FGGY: variants seen among roughly 807,000 people sequenced by gnomAD.
FGGY encodes the protein FGGY carbohydrate kinase domain containing.
In FGGY, 72 loss-of-function variants were observed where a neutral mutation model predicts 71.3. That is an observed-to-expected ratio of 1.01 (90% CI 0.84 to 1.23). The LOEUF is 1.23. Among genes scored for constraint, FGGY ranks in the 50% most tolerant of loss-of-function variants. The probability of loss-of-function intolerance (pLI) is 0.00; values close to 1 mark genes in which losing one functional copy is unlikely to be tolerated. For synonymous variants in FGGY, 251 were observed against 250.3 expected (o/e 1.00, Z -0.02); for missense variants, 668 against 682.3 (o/e 0.98, Z 0.23).
chr1:59,681,783 TACACACACACACACACACACATGC>T (rs1345658512), intron 14 of FGGY, among the ~76,000 whole-genome samples: 1 of 137,046 alleles, frequency 7.3e-6, no homozygotes, highest in Non-Finnish European at 1.6e-5. Flanking sequence ...CCTTGAAAAA[TACACACACACACACACACACATGC>T]ACACACACAC....
At chr1:59,479,569 C>T (rs921540286) in intron 6 of FGGY, among the ~76,000 whole-genome samples, 6 of 152,052 alleles carry the variant, frequency 3.9e-5, no homozygotes, top group African/African-American at 9.7e-5. Context: ...AGCATGTGCT[C>T]GGAAGTGGGA....
At chr1:59,754,952 C>G (rs940384110) in intron 14 of FGGY, 2 of 152,238 alleles carry the variant, frequency 1.3e-5, no homozygotes, top group Non-Finnish European at 2.9e-5. Context: ...GAGTCACATA[C>G]AAGCCACCAT....
At chr1:59,447,946 T>A (rs765648800) in intron 5 of FGGY, among the ~76,000 whole-genome samples, 1 of 152,208 alleles carries the variant, frequency 6.6e-6, no homozygotes, top group Non-Finnish European at 1.5e-5. Context: ...TCACATGGGA[T>A]CTAATTACTT....
At chr1:59,604,074 T>C (rs1571977542) in intron 8 of FGGY, among the ~76,000 whole-genome samples, 1 of 152,194 alleles carries the variant, frequency 6.6e-6, no homozygotes, top group South Asian at 2.1e-4. Context: ...AAGTACACAG[T>C]AAGTCTCAAC....
intron 1 of FGGY, 39 bp from the exon 2 acceptor site, chr1:59,321,497 A>G: frequency 6.4e-7 from 1 of 1,571,784 alleles, no homozygotes; most frequent in South Asian, 1.1e-5. Flanking sequence ...TTGCAGATCC[A>G]CTTGGTCTTC....
In FGGY at chr1:59,673,736, T is replaced by C. The variant is rs113454466; in HGVS notation, c.1418-303T>C. ...TTAATAAACATCAGTGGATCTGAAC[T>C]TGAATCAAATGGCAGGTAGCAGCTT... On this transcript the variant is annotated intron_variant, in intron 13 of 15. Coordinates refer to ENST00000303721, the MANE Select transcript of FGGY (RefSeq NM_018291.5). 57 of 321,622 alleles carry C rather than the reference T, an allele frequency of 1.8e-4. 1 individual carries two copies. Among genetic ancestry groups the C allele is most frequent in the African/African-American group, 1.1e-3 (53 of 48,012 alleles). The allele number at this position is 321,622 out of a possible 1,614,324, so 19.9% of individuals were successfully genotyped here.
intron 5 of FGGY, among the ~76,000 whole-genome samples, chr1:59,379,658 A>T (rs11207442): frequency 6.6e-6 from 1 of 151,968 alleles, no homozygotes; most frequent in African/African-American, 2.4e-5. Context: ...TTTAATAATT[A>T]TCCTTTGCTT....
chr1:59,656,751 C>G (rs1449618111), intron 11 of FGGY, among the ~76,000 whole-genome samples: 2 of 152,202 alleles, frequency 1.3e-5, no homozygotes, highest in African/African-American at 4.8e-5. Context: ...CAAGAAATCT[C>G]TTCTAGAATT....
chr1:59,343,461 C>T (rs2051130172), intron 3 of FGGY, among the ~76,000 whole-genome samples: 2 of 152,318 alleles, frequency 1.3e-5, no homozygotes, highest in Non-Finnish European at 2.9e-5. Flanking sequence ...CTTTTGAAAG[C>T]TTTCTGTGCA....
At chr1:59,343,049 T>C (rs2153212285) in intron 3 of FGGY, among the ~76,000 whole-genome samples, 1 of 152,150 alleles carries the variant, frequency 6.6e-6, no homozygotes, top group Middle Eastern at 3.4e-3. Flanking sequence ...ATCTCAGCCA[T>C]AGGAGCTCTT....
At chr1:59,538,761 C>T (rs11804077) in intron 7 of FGGY, among the ~76,000 whole-genome samples, 10,015 of 149,566 alleles carry the variant, frequency 0.067, 688 homozygotes, top group African/African-American at 0.18. Flanking sequence ...AACCAAATAC[C>T]GCATATTCTC....
intron 9 of FGGY, among the ~76,000 whole-genome samples, chr1:59,615,887 C>T (rs572868366): frequency 6.6e-6 from 1 of 152,244 alleles, no homozygotes; most frequent in South Asian, 2.1e-4. Flanking sequence ...CCAAAAGACA[C>T]ATGAAAAAAT....
chr1:59,538,895 A>T lies in FGGY; in HGVS notation c.800-15229A>T, dbSNP rs568844621. ...AGCATTGGGAGATATACCTAATGCT[A>T]GATGAGGAGTTAGTACGTGCAGCGC... On this transcript the variant is annotated intron_variant, in intron 7 of 15. Transcript: ENST00000303721. Among the ~76,000 whole-genome samples, 8 of 151,692 alleles carry T rather than the reference A, an allele frequency of 5.3e-5. No individual in the cohort carries two copies. The East Asian group carries it at 1.6e-3, about 30-fold the overall frequency.
At chr1:59,671,256 C>T (rs945346090) in intron 13 of FGGY, among the ~76,000 whole-genome samples, 1 of 152,212 alleles carries the variant, frequency 6.6e-6, no homozygotes, top group Admixed American at 6.5e-5. Flanking sequence ...GGAACAGATA[C>T]ACACTCCAGT....
intron 5 of FGGY, among the ~76,000 whole-genome samples, chr1:59,441,192 C>T (rs753777192): frequency 2.6e-5 from 4 of 152,014 alleles, no homozygotes; most frequent in Non-Finnish European, 4.4e-5. Context: ...CTAGTACTCA[C>T]GTCTATCTAT....
intron 2 of FGGY, among the ~76,000 whole-genome samples, chr1:59,328,202 G>GT (rs771601097): frequency 1.6e-4 from 24 of 152,222 alleles, no homozygotes; most frequent in Non-Finnish European, 2.5e-4. Flanking sequence ...ATATAAGGCT[G>GT]TTTTGCCTAC....
At chr1:59,377,649 T>C (rs954152160) in intron 4 of FGGY, among the ~76,000 whole-genome samples, 1 of 151,604 alleles carries the variant, frequency 6.6e-6, no homozygotes, top group Non-Finnish European at 1.5e-5. Context: ...GTGGTATGGG[T>C]TGTATGACAA....
At chr1:59,449,027 C>G (rs2072001789) in intron 5 of FGGY, among the ~76,000 whole-genome samples, 1 of 152,120 alleles carries the variant, frequency 6.6e-6, no homozygotes, top group South Asian at 2.1e-4. Context: ...GTCATGAATC[C>G]TTGATTTCAT....
intron 5 of FGGY, among the ~76,000 whole-genome samples, chr1:59,390,094 C>T (rs1410280870): frequency 6.6e-6 from 1 of 152,156 alleles, no homozygotes; most frequent in Admixed American, 6.5e-5. Flanking sequence ...AGGATTCAGT[C>T]ATCCTCTCTC....
Sources: gnomAD v4.1 joint callset for allele counts (sites outside exome capture counted in the v4.1 genomes callset) on GRCh38, gnomAD v4.1.1 for gene constraint, MANE v1.5 for transcripts, NCBI Gene and HGNC (gene_info 2026-07-23, HGNC 2026-07-21) for gene names.